The following RBPJ variants were observed in gnomAD, a reference collection of about 807,000 sequenced individuals.
The protein encoded by RBPJ is recombining binding protein suppressor of hairless.
In RBPJ, 9 loss-of-function variants were observed where a neutral mutation model predicts 67.8. The ratio of observed to expected loss-of-function variants is 0.13; its 90% confidence interval spans 0.08 to 0.23. The LOEUF is 0.23. Among genes scored for constraint, RBPJ ranks in the 10% least tolerant of loss-of-function variants. The pLI is 1.00. For missense variants in RBPJ, 305 were observed against 595.6 expected (o/e 0.51, Z 5.08); for synonymous variants, 198 against 203.3 (o/e 0.97, Z 0.22).
intron 1 of RBPJ, among the ~76,000 whole-genome samples, chr4:26,380,382 T>C (rs147127467): frequency 6.6e-6 from 1 of 152,306 alleles, no homozygotes; most frequent in African/African-American, 2.4e-5. Flanking sequence ...CTACCTATAA[T>C]TGTCCCCCTA....
intron 1 of RBPJ, among the ~76,000 whole-genome samples, chr4:26,172,325 A>T (rs995632413): frequency 6.6e-6 from 1 of 152,198 alleles, no homozygotes; most frequent in African/African-American, 2.4e-5. Context: ...TAGAAAAAAA[A>T]TTTGGACCAC....
chr4:26,126,863 C>G, the RBPJ span, among the ~76,000 whole-genome samples: 1 of 152,148 alleles, frequency 6.6e-6, no homozygotes, highest in African/African-American at 2.4e-5. Flanking sequence ...AGTGGAAAAG[C>G]CTAAGAATTT....
chr4:26,144,776 A>C, the RBPJ span, among the ~76,000 whole-genome samples: 22 of 152,206 alleles, frequency 1.4e-4, no homozygotes, highest in African/African-American at 4.3e-4. Context: ...CATGCAATGC[A>C]GTTCCATTGT....
In RBPJ at chr4:26,417,104, T is replaced by C. The variant is rs1453869321; in HGVS notation, c.321+1464T>C. ...TTACCTAGGAAGTCTCAGAGTTATA[T>C]GTCTCCAGGCTTCACATGTAGACAT... On this transcript the variant is annotated intron_variant, in intron 4 of 10. Transcript: ENST00000355476. Among the ~76,000 whole-genome samples the C allele has an allele frequency of 2.6e-5, 4 of 152,346 alleles. No homozygotes were observed. In the East Asian group the frequency reaches 7.7e-4, roughly 29 times the overall value.
intron 1 of RBPJ, among the ~76,000 whole-genome samples, chr4:26,313,710 C>A (rs1325199367): frequency 6.6e-6 from 1 of 151,564 alleles, no homozygotes; most frequent in African/African-American, 2.4e-5. Flanking sequence ...GTGGCATGTA[C>A]CTGTAATCCC....
intron 1 of RBPJ, among the ~76,000 whole-genome samples, chr4:26,312,114 AG>A (rs1184165855): frequency 6.6e-6 from 1 of 151,728 alleles, no homozygotes; most frequent in Admixed American, 6.6e-5. Context: ...CAGCTCTACC[AG>A]GGCCTTCTTA....
At chr4:26,195,785 G>A (rs1280725152) in intron 1 of RBPJ, among the ~76,000 whole-genome samples, 3 of 152,002 alleles carry the variant, frequency 2.0e-5, no homozygotes, top group South Asian at 2.1e-4. Flanking sequence ...TAGTAGAGAC[G>A]AGGTTTCACC....
intron 1 of RBPJ, among the ~76,000 whole-genome samples, chr4:26,239,686 G>A (rs1719568743): frequency 6.6e-6 from 1 of 151,100 alleles, no homozygotes. Context: ...GGGAAGGGAA[G>A]GAAAGTAACA....
At chr4:26,246,532 C>T (rs1483919941) in intron 1 of RBPJ, among the ~76,000 whole-genome samples, 2 of 152,190 alleles carry the variant, frequency 1.3e-5, no homozygotes, top group African/African-American at 4.8e-5. Flanking sequence ...ATTGTATCAG[C>T]TTGGCTCTTT....
At chr4:26,419,989 T>G (rs998278442) in intron 4 of RBPJ, among the ~76,000 whole-genome samples, 1 of 152,150 alleles carries the variant, frequency 6.6e-6, no homozygotes, top group African/African-American at 2.4e-5. Context: ...GCTTATATAA[T>G]CTCTTTCTGG....
chr4:26,334,242 C>T (rs563141845), intron 1 of RBPJ, among the ~76,000 whole-genome samples: 129 of 151,958 alleles, frequency 8.5e-4, no homozygotes, highest in African/African-American at 2.8e-3. Flanking sequence ...AGTTTCACCA[C>T]GTTGGCCAGG....
intron 1 of RBPJ, among the ~76,000 whole-genome samples, chr4:26,191,603 G>C (rs1717551946): frequency 1.3e-5 from 2 of 152,180 alleles, no homozygotes. Context: ...GAAAGCAGGA[G>C]CCAGCTCCAA....
At chr4:26,191,730 G>A (rs1044215611) in intron 1 of RBPJ, among the ~76,000 whole-genome samples, 5 of 152,126 alleles carry the variant, frequency 3.3e-5, no homozygotes, top group African/African-American at 1.2e-4. Context: ...AGTATCCAGG[G>A]TTTCAACTGG....
chr4:26,270,321 GGAGGA>G (rs1277816578), intron 1 of RBPJ, among the ~76,000 whole-genome samples: 1 of 106,968 alleles, frequency 9.3e-6, no homozygotes, highest in Non-Finnish European at 1.9e-5. Flanking sequence ...GGAGGGGAGG[GGAGGA>G]GAGGGGAGGG....
At chr4:26,301,946 C>T (rs1474856113) in intron 1 of RBPJ, among the ~76,000 whole-genome samples, 9 of 152,062 alleles carry the variant, frequency 5.9e-5, no homozygotes, top group Admixed American at 5.9e-4. Flanking sequence ...GTGTGCGCCA[C>T]CAGGCCCAGC....
chr4:26,200,519 A>G (rs1717945456), intron 1 of RBPJ, among the ~76,000 whole-genome samples: 1 of 152,132 alleles, frequency 6.6e-6, no homozygotes, highest in Non-Finnish European at 1.5e-5. Flanking sequence ...AAATAAGAAG[A>G]AATTAGCTGG....
At chr4:26,226,815 T>G (rs1214057807) in intron 1 of RBPJ, among the ~76,000 whole-genome samples, 1 of 152,176 alleles carries the variant, frequency 6.6e-6, no homozygotes, top group African/African-American at 2.4e-5. Flanking sequence ...CCAATCAATT[T>G]TCTCAGAATT....
chr4:26,226,702 C>CTG (rs1719087809), intron 1 of RBPJ, among the ~76,000 whole-genome samples: 1 of 152,100 alleles, frequency 6.6e-6, no homozygotes, highest in Non-Finnish European at 1.5e-5. Context: ...TCACTTGCTT[C>CTG]TGTGTGTGGT....
At chr4:26,149,957 T>C in the RBPJ span, among the ~76,000 whole-genome samples, 1 of 152,232 alleles carries the variant, frequency 6.6e-6, no homozygotes, top group African/African-American at 2.4e-5. Context: ...TTTCTTAGCC[T>C]CTCCAGTGAG....
Sources: gnomAD v4.1 joint callset for allele counts (sites outside exome capture counted in the v4.1 genomes callset) on GRCh38, gnomAD v4.1.1 for gene constraint, MANE v1.5 for transcripts, NCBI Gene and HGNC (gene_info 2026-07-23, HGNC 2026-07-21) for gene names.